Variants in PRC1 observed in about 807,000 individuals in gnomAD.
The protein encoded by PRC1 is protein regulator of cytokinesis 1.
PRC1 carries 54 observed loss-of-function variants against 91.2 expected under a neutral mutation model. That is an observed-to-expected ratio of 0.59 (90% CI 0.48 to 0.74). The LOEUF (loss-of-function observed/expected upper bound fraction) is 0.74, where lower values mean the gene tolerates loss of function less well. Among genes scored for constraint, PRC1 ranks in the 30% least tolerant of loss-of-function variants. PRC1 has a pLI of 0.00. For missense variants in PRC1, 727 were observed against 746.2 expected (o/e 0.97, Z 0.30); for synonymous variants, 275 against 263.6 (o/e 1.04, Z -0.42).
chr15:90,976,416 C>CTGGTCCTGAACTCCTGACCTCAT (rs1567189257), intron 9 of PRC1, among the ~76,000 whole-genome samples: 19 of 146,276 alleles, frequency 1.3e-4, no homozygotes, highest in African/African-American at 5.2e-4. Context: ...CCTGACCTCG[C>CTGGTCCTGAACTCCTGACCTCAT]GATATGCCTG....
chr15:90,982,066 GAC>G (rs780628279), intron 3 of PRC1, 85 bp from the exon 4 acceptor site: 20 of 1,252,504 alleles, frequency 1.6e-5, no homozygotes, highest in Non-Finnish European at 2.3e-5. Context: ...AGGCGTGGAT[GAC>G]AGACTTTCAG....
At chr15:90,967,247 C>A (rs781401204) in intron 14 of PRC1, 45 bp from the exon 15 acceptor site, 1 of 1,490,742 alleles carries the variant, frequency 6.7e-7, no homozygotes, top group Admixed American at 1.7e-5. Context: ...GCCTCTCTTA[C>A]ACATGGCCCA....
chr15:90,981,620 C>G lies in PRC1; in HGVS notation c.551G>C (p.Cys184Ser). The change falls in exon 5 of 15, where the codon TGT (cysteine) becomes TCT (serine). Residue 184 changes from cysteine to serine, a missense_variant. Cys to Ser is a moderately radical substitution (Grantham distance 112). Transcript: ENST00000394249. ...TGGGGTGTGGTCTAATGCTTCCATA[C>G]ACAGTATGATCTGTCTCTTTATACT... is the stretch of plus-strand genomic sequence containing the variant. ...FVSIKRQIIL[C>S]MEALDHTPDT... 6.2e-7 allele frequency: 1 copy of G among 1,614,068 alleles called. No individual in the cohort carries two copies. The highest frequency in any genetic ancestry group is 8.5e-7 in the Non-Finnish European group (1 of 1,179,964).
chr15:90,979,893 C>T (rs2039044784), intron 7 of PRC1, among the ~76,000 whole-genome samples: 1 of 152,230 alleles, frequency 6.6e-6, no homozygotes, highest in East Asian at 1.9e-4. Context: ...ACTTAAGCTT[C>T]ACAGCTAGAG....
In PRC1 at chr15:90,994,532, C is replaced by T. The variant is rs1466761418; in HGVS notation, c.-115G>A. 9 of 1,424,494 alleles carry T rather than the reference C, an allele frequency of 6.3e-6. No individual in the cohort carries two copies. The highest frequency in any genetic ancestry group is 1.3e-5 in the South Asian group (1 of 78,024). 88.2% of individuals were successfully genotyped at this position (1,424,494 alleles called of 1,614,324 possible). On this transcript the variant is annotated 5_prime_UTR_variant, in exon 1 of 15. Transcript: ENST00000394249. ...CACTCCGCGTAGCCGCTCCGCGAGC[C>T]GTTGAGCCCCGCAAAATTTCAAACC...
intron 1 of PRC1, 31 bp downstream of exon 1, chr15:90,994,376 C>G (rs746763139): frequency 6.2e-7 from 1 of 1,612,296 alleles, no homozygotes; most frequent in South Asian, 1.1e-5. Flanking sequence ...CGCTCCCTCC[C>G]GCGTCCCCTC....
chr15:90,969,670 TGCACAC>T (rs781052542), intron 12 of PRC1, 47 bp from the exon 13 acceptor site: 4 of 1,530,676 alleles, frequency 2.6e-6, no homozygotes, highest in Non-Finnish European at 3.5e-6. Context: ...CTAATGAACG[TGCACAC>T]GCACACACAA....
intron 8 of PRC1, 116 bp downstream of exon 8, chr15:90,979,042 A>G: frequency 7.8e-7 from 1 of 1,274,778 alleles, no homozygotes. Context: ...AAATTCAGAG[A>G]GACTTAATGA....
chr15:90,987,802 A>G (rs1481038897), intron 1 of PRC1: 1 of 152,198 alleles, frequency 6.6e-6, no homozygotes, highest in Non-Finnish European at 1.5e-5. Flanking sequence ...TCTGTCTCAG[A>G]GCTTTCGGTG....
chr15:90,994,230 G>A (rs1323387798), intron 1 of PRC1, among the ~76,000 whole-genome samples, 177 bp downstream of exon 1: 1 of 152,110 alleles, frequency 6.6e-6, no homozygotes, highest in Non-Finnish European at 1.5e-5. Flanking sequence ...CGCGGCCCTC[G>A]CACTGGCTCG....
At chr15:90,968,992 G>C (rs1201361094) in intron 14 of PRC1, 87 bp downstream of exon 14, 1 of 1,600,878 alleles carries the variant, frequency 6.2e-7, no homozygotes, top group Non-Finnish European at 8.5e-7. Flanking sequence ...GAGATTATTA[G>C]TTAGTGTAGC....
rs775971570 is a variant in PRC1, at chr15:90,969,494, G to C, written c.1702C>G (p.Arg568Gly). The C allele has an allele frequency of 6.2e-7, 1 of 1,611,764 alleles. No individual in the cohort carries two copies. Among genetic ancestry groups the C allele is most frequent in the Non-Finnish European group, 8.5e-7 (1 of 1,178,970 alleles). The change falls in exon 13 of 15, where the codon CGC becomes GGC. Residue 568 changes from arginine (R) to glycine (G), a missense_variant. Transcript: ENST00000394249. ...GCAACAGAATTAATGCTGAAGTTGC[G>C]CTGGAGGGGGGCCGAGCCAGGGTAC... is the stretch of plus-strand genomic sequence containing the variant. ...GGYPGSAPLQ[R>G]NFSINSVAST... is the part of the protein sequence containing the mutation.
chr15:90,981,484 T>G lies in PRC1; in HGVS notation c.672+15A>C. 1 of 1,613,534 alleles carries G rather than the reference T, an allele frequency of 6.2e-7. No homozygotes were observed. Among genetic ancestry groups the G allele is most frequent in the Non-Finnish European group, 8.5e-7 (1 of 1,179,960 alleles). On this transcript the variant is annotated intron_variant, in intron 5 of 14. Transcript: ENST00000394249. ...TACTACGGAGATCCTAGGGCATAAT[T>G]TGAGAAGACAGTACCTGCCGTAGCA... is the stretch of plus-strand genomic sequence containing the variant.
chr15:90,983,120 A>G (rs1178519284), intron 3 of PRC1, among the ~76,000 whole-genome samples: 1 of 152,194 alleles, frequency 6.6e-6, no homozygotes, highest in Non-Finnish European at 1.5e-5. Flanking sequence ...AAAATCAATT[A>G]TATTTATGAC....
rs555683242 is a variant in PRC1 at position 90,984,332 on chromosome 15, G to A, written c.145-192C>T. 2.0e-5 allele frequency among the ~76,000 whole-genome samples: 3 copies of A among 152,236 alleles called. No homozygotes were observed. The highest frequency in any genetic ancestry group is 2.0e-4 in the Admixed American group (3 of 15,290). On this transcript the variant is annotated intron_variant, in intron 2 of 14. Coordinates refer to ENST00000394249, the MANE Select transcript of PRC1 (RefSeq NM_003981.4). The surrounding 1 kb of genome is among the most constrained non-coding windows in gnomAD (Gnocchi z 5.1). ...CAACCTCTACCTTCCGGGTTCAATA[G>A]ATTCTCCTGTCTCAGCCTCTTGAGT...
In PRC1 at chr15:90,966,628, A is replaced by T. The variant is rs79383275; in HGVS notation, c.*503T>A. 0.014 allele frequency: 6,597 copies of T among 456,190 alleles called. 74 individuals are homozygous for T. Among genetic ancestry groups the T allele is most frequent in the Non-Finnish European group, 0.022 (5,002 of 226,884 alleles). The allele number at this position is 456,190 out of a possible 1,614,324, so 28.3% of individuals were successfully genotyped here. On this transcript the variant is annotated 3_prime_UTR_variant, in exon 15 of 15. Transcript: ENST00000394249. ...CCATCTCAACTTCGGACACACAAAG[A>T]CATTCTCTTCAGGAGGAAGGCTGTC...
In PRC1 at chr15:90,984,704, T is replaced by G. The variant is rs764185715; in HGVS notation, c.133A>C (p.Lys45Gln). ...ACTATTCAACCCACCTTGATATGCT[T>G]CTTTACCACCTCAGTTCTTTGTAAC... ...QRLQRTEVVKKHIKELLDMMI... is the reference protein window; with the variant it reads ...QRLQRTEVVKQHIKELLDMMI... Residue 45 changes from lysine to glutamine, a missense_variant, in exon 2 of 15, where the codon AAG (lysine) becomes CAG (glutamine). Transcript: ENST00000394249. The surrounding 1 kb of genome is among the most constrained non-coding windows in gnomAD (Gnocchi z 5.1). 1 of 1,614,170 alleles carries G rather than the reference T, an allele frequency of 6.2e-7. No homozygotes were observed. Among genetic ancestry groups the G allele is most frequent in the African/African-American group, 1.3e-5 (1 of 75,040 alleles).
intron 3 of PRC1, chr15:90,983,741 T>TA (rs903496166): frequency 6.6e-4 from 159 of 242,188 alleles, no homozygotes; most frequent in South Asian, 2.6e-3. Flanking sequence ...TCAGCGTTTA[T>TA]AAAAAAAAAT....
At chr15:90,981,371 AT>A (rs2039181028) in intron 5 of PRC1, 127 bp downstream of exon 5, 5 of 1,100,136 alleles carry the variant, frequency 4.5e-6, no homozygotes, top group Non-Finnish European at 6.4e-6. Context: ...ATATATTACT[AT>A]CCTTAGCTTC....
Sources: gnomAD v4.1 joint callset for allele counts (sites outside exome capture counted in the v4.1 genomes callset) on GRCh38, gnomAD v4.1.1 for gene constraint, Gnocchi (gnomAD v3.1) non-coding constraint, MANE v1.5 for transcripts, NCBI Gene and HGNC (gene_info 2026-07-23, HGNC 2026-07-21) for gene names.